VPS8: variants seen among roughly 807,000 people sequenced by gnomAD.
The protein encoded by VPS8 is VPS8 subunit of CORVET complex.
In VPS8, 129 loss-of-function variants were observed where a neutral mutation model predicts 216.4. That is an observed-to-expected ratio of 0.60 (90% CI 0.52 to 0.69). The LOEUF (loss-of-function observed/expected upper bound fraction) is 0.69, where lower values mean the gene tolerates loss of function less well. VPS8 is among the 30% of genes least tolerant of loss of function. The probability of loss-of-function intolerance (pLI) is 0.00; values close to 1 mark genes in which losing one functional copy is unlikely to be tolerated. For missense variants in VPS8, 1,531 were observed against 1,683.5 expected, an observed-to-expected ratio of 0.91 and a Z score of 1.59; for synonymous variants, 571 against 565.4, an observed-to-expected ratio of 1.01 and a Z score of -0.14.
intron 8 of VPS8, among the ~76,000 whole-genome samples, chr3:184,847,700 G>GT (rs1308515769): frequency 6.6e-6 from 1 of 152,144 alleles, no homozygotes; most frequent in Non-Finnish European, 1.5e-5. Flanking sequence ...TTGTTTTCAA[G>GT]TGGGTATAAT....
At chr3:184,993,171 A>G (rs1020115459) in intron 42 of VPS8, among the ~76,000 whole-genome samples, 5 of 152,208 alleles carry the variant, frequency 3.3e-5, no homozygotes, top group Non-Finnish European at 5.9e-5. Context: ...TTAAAAAAAG[A>G]TATAAAAATA....
chr3:184,942,947 G>A (rs927250313), intron 36 of VPS8, among the ~76,000 whole-genome samples: 1 of 152,090 alleles, frequency 6.6e-6, no homozygotes, highest in Non-Finnish European at 1.5e-5. Context: ...AGAAAAAAGA[G>A]GAAGTTCTCC....
chr3:185,024,317 G>A lies in VPS8; in HGVS notation c.4003-19G>A. Reference sequence around the variant, plus strand: ...ACTATAACTGAAAGGGTATTAAAATGTTTGCCTTTTTTTTCCAGGTAAAAA... The same window carrying A: ...ACTATAACTGAAAGGGTATTAAAATATTTGCCTTTTTTTTCCAGGTAAAAA... On this transcript the variant is annotated intron_variant, in intron 45 of 47. Transcript: ENST00000625842. 6.4e-7 allele frequency: 1 copy of A among 1,573,486 alleles called. No individual in the cohort carries two copies. Among genetic ancestry groups the A allele is most frequent in the Non-Finnish European group, 8.6e-7 (1 of 1,157,586 alleles).
At chr3:185,046,482 G>T (rs143064574) in intron 46 of VPS8, among the ~76,000 whole-genome samples, 1 of 152,268 alleles carries the variant, frequency 6.6e-6, no homozygotes, top group East Asian at 1.9e-4. Flanking sequence ...GCCTGAGGTG[G>T]CATTGCCCTT....
intron 25 of VPS8, chr3:184,901,265 G>T: frequency 3.3e-6 from 1 of 307,180 alleles, no homozygotes; most frequent in Non-Finnish European, 5.9e-6. Flanking sequence ...AACCTTTGGT[G>T]TTTTATTTCT....
At position 184,869,465 on chromosome 3, in the gene VPS8, A is replaced by G. The variant is rs1393545165; in HGVS notation, c.1598-17A>G. 1 of 1,611,758 alleles carries G rather than the reference A, an allele frequency of 6.2e-7. No homozygotes were observed. The highest frequency in any genetic ancestry group is 1.7e-5 in the Admixed American group (1 of 59,620). ...GGACTAACTTTTGTTTTTTTGTTGG[A>G]TTTTCCTTCTCTGCAGGATTATCAG... On this transcript the variant is annotated splice_polypyrimidine_tract_variant and intron_variant, in intron 19 of 47. Coordinates refer to ENST00000625842, the MANE Select transcript of VPS8 (RefSeq NM_001009921.3).
At chr3:185,027,235 CTTTTTTTTT>C in intron 46 of VPS8, among the ~76,000 whole-genome samples, 1 of 87,726 alleles carries the variant, frequency 1.1e-5, no homozygotes, top group African/African-American at 4.7e-5. Flanking sequence ...TTTTTATGTT[CTTTTTTTTT>C]TTTTTTTTTT....
chr3:184,934,994 A>C (rs1401626923), intron 34 of VPS8, among the ~76,000 whole-genome samples: 1 of 152,150 alleles, frequency 6.6e-6, no homozygotes, highest in African/African-American at 2.4e-5. Flanking sequence ...TTTCATATGG[A>C]AAGTTTTTAA....
chr3:184,973,134 G>C (rs537355109), intron 40 of VPS8, among the ~76,000 whole-genome samples: 2 of 152,250 alleles, frequency 1.3e-5, no homozygotes, highest in African/African-American at 2.4e-5. Context: ...AAAAGAAACT[G>C]TCTGTGAAAT....
chr3:184,989,679 T>C (rs1056209393), intron 42 of VPS8, among the ~76,000 whole-genome samples: 4 of 152,242 alleles, frequency 2.6e-5, no homozygotes, highest in Admixed American at 6.5e-5. Flanking sequence ...AATATTTTGT[T>C]GAGGATTTTT....
chr3:185,007,022 A>C (rs1754354877), intron 45 of VPS8, among the ~76,000 whole-genome samples: 1 of 152,206 alleles, frequency 6.6e-6, no homozygotes, highest in South Asian at 2.1e-4. Context: ...GTCAATATAT[A>C]CAACCAATAA....
intron 3 of VPS8, among the ~76,000 whole-genome samples, chr3:184,828,228 C>T (rs1398550812): frequency 6.6e-6 from 1 of 152,184 alleles, no homozygotes; most frequent in Middle Eastern, 3.2e-3. Flanking sequence ...CACCCTCCAC[C>T]TCCCAGGCTC....
At chr3:184,916,215 G>A (rs1004559995) in intron 28 of VPS8, among the ~76,000 whole-genome samples, 1 of 152,196 alleles carries the variant, frequency 6.6e-6, no homozygotes, top group African/African-American at 2.4e-5. Context: ...AATTAGAGAT[G>A]AACATGTACA....
At chr3:185,043,329 C>T (rs1712109629) in intron 46 of VPS8, among the ~76,000 whole-genome samples, 1 of 152,154 alleles carries the variant, frequency 6.6e-6, no homozygotes, top group Non-Finnish European at 1.5e-5. Flanking sequence ...ACATTAAACA[C>T]AAACGCAGCT....
intron 46 of VPS8, among the ~76,000 whole-genome samples, chr3:185,031,971 C>T (rs1307267045): frequency 6.6e-6 from 1 of 152,140 alleles, no homozygotes; most frequent in Non-Finnish European, 1.5e-5. Context: ...CGAGACCAGC[C>T]TGACCAACAT....
chr3:184,950,151 AC>A (rs1744405069), intron 36 of VPS8, among the ~76,000 whole-genome samples: 1 of 126,558 alleles, frequency 7.9e-6, no homozygotes, highest in African/African-American at 3.0e-5. Context: ...CAAAGAATCC[AC>A]CCACCTCAGC....
At position 184,900,855 on chromosome 3, in the gene VPS8, A is replaced by T. The variant is rs978553048; in HGVS notation, c.2095-66A>T. The T allele has an allele frequency of 3.6e-6, 5 of 1,399,940 alleles. No individual in the cohort carries two copies. In the African/African-American group the frequency reaches 5.8e-5, roughly 16 times the overall value. The allele number at this position is 1,399,940 out of a possible 1,614,324, so 86.7% of individuals were successfully genotyped here. ...AGCGAATGGTGATGAATAGCATAAGATTCTTATTTTTTAAATAATATCATT... is the reference window on the plus strand; with the variant it reads ...AGCGAATGGTGATGAATAGCATAAGTTTCTTATTTTTTAAATAATATCATT... On this transcript the variant is annotated intron_variant, in intron 24 of 47. Coordinates refer to ENST00000625842, the MANE Select transcript of VPS8 (RefSeq NM_001009921.3).
At position 184,980,898 on chromosome 3, in the gene VPS8, T is replaced by G. The variant is rs538955975; in HGVS notation, c.3421-1668T>G. Among the ~76,000 whole-genome samples the G allele has an allele frequency of 9.2e-5, 14 of 152,334 alleles. No individual in the cohort carries two copies. In the South Asian group the frequency reaches 2.9e-3, roughly 32 times the overall value. ...TTTGCTGTTAAGAAGAAACTCTGGC[T>G]TTTTGAGTTTCCAGAGTTCTTTCTC... is the stretch of plus-strand genomic sequence containing the variant. On this transcript the variant is annotated intron_variant, in intron 40 of 47. Coordinates refer to ENST00000625842, the MANE Select transcript of VPS8 (RefSeq NM_001009921.3).
intron 28 of VPS8, among the ~76,000 whole-genome samples, chr3:184,918,251 C>T (rs1737966740): frequency 6.6e-6 from 1 of 152,100 alleles, no homozygotes; most frequent in African/African-American, 2.4e-5. Flanking sequence ...GAATGTTGAC[C>T]CGTGGATTAG....
Sources: allele counts gnomAD v4.1 joint callset (sites outside exome capture counted in the v4.1 genomes callset), GRCh38; gene constraint gnomAD v4.1.1; transcripts MANE v1.5; gene names NCBI Gene and HGNC (gene_info 2026-07-23, HGNC 2026-07-21).